The following TTC7B variants were observed in gnomAD, a reference collection of about 807,000 sequenced individuals.
The protein encoded by TTC7B is tetratricopeptide repeat protein 7B.
TTC7B carries 28 observed loss-of-function variants against 106.8 expected under a neutral mutation model. The ratio of observed to expected loss-of-function variants is 0.26; its 90% CI spans 0.19 to 0.36. TTC7B has a LOEUF of 0.36. TTC7B is among the 10% of genes least tolerant of loss of function. The pLI is 1.00. For missense variants in TTC7B, 862 were observed against 1,076.4 expected (o/e 0.80, Z 2.79); for synonymous variants, 405 against 430.6 (o/e 0.94, Z 0.74).
intron 3 of TTC7B, among the ~76,000 whole-genome samples, chr14:90,762,559 C>T (rs1291694604): frequency 6.6e-6 from 1 of 152,154 alleles, no homozygotes; most frequent in East Asian, 1.9e-4. Flanking sequence ...TGGCAGTTTC[C>T]TGGCAGAAAA....
chr14:90,683,026 T>A (rs1266078657), intron 7 of TTC7B, among the ~76,000 whole-genome samples: 1 of 152,218 alleles, frequency 6.6e-6, no homozygotes. Flanking sequence ...AGCTTTTTCT[T>A]AAAAATTTCC....
intron 1 of TTC7B, among the ~76,000 whole-genome samples, chr14:90,788,759 T>C (rs1001898917): frequency 3.2e-5 from 4 of 125,828 alleles, no homozygotes; most frequent in Non-Finnish European, 3.6e-5. Context: ...GGTCAAGAGA[T>C]TGAGATCAAC....
chr14:90,638,652 C>A (rs144533395), intron 15 of TTC7B, among the ~76,000 whole-genome samples: 1,974 of 152,330 alleles, frequency 0.013, 22 homozygotes, highest in Non-Finnish European at 0.019. Context: ...CATAAATATA[C>A]AATTCTCCCC....
chr14:90,571,118 C>T (rs947980025), intron 19 of TTC7B, among the ~76,000 whole-genome samples: 1 of 152,190 alleles, frequency 6.6e-6, no homozygotes, highest in Admixed American at 6.5e-5. Context: ...ACAAGAAAGT[C>T]CCCTCTCACT....
chr14:90,646,540 C>T (rs926373515), intron 14 of TTC7B, among the ~76,000 whole-genome samples: 1 of 152,196 alleles, frequency 6.6e-6, no homozygotes, highest in Non-Finnish European at 1.5e-5. Context: ...ATCAATGACA[C>T]CCTTATGACA....
intron 6 of TTC7B, among the ~76,000 whole-genome samples, chr14:90,691,185 GA>G (rs908401494): frequency 1.3e-5 from 2 of 151,730 alleles, no homozygotes; most frequent in African/African-American, 2.4e-5. Context: ...GTGTTAAAAG[GA>G]AAAAAAATGA....
intron 1 of TTC7B, among the ~76,000 whole-genome samples, chr14:90,791,438 T>A (rs933495581): frequency 6.6e-6 from 1 of 152,192 alleles, no homozygotes; most frequent in Non-Finnish European, 1.5e-5. Flanking sequence ...GGGCGGTCAT[T>A]GCCTGTGGCA....
intron 17 of TTC7B, among the ~76,000 whole-genome samples, chr14:90,604,077 T>C (rs1280266425): frequency 6.6e-6 from 1 of 152,208 alleles, no homozygotes; most frequent in African/African-American, 2.4e-5. Flanking sequence ...GAGTCAGGAC[T>C]GCAATCTTCA....
intron 19 of TTC7B, among the ~76,000 whole-genome samples, chr14:90,543,058 C>A (rs546992722): frequency 1.3e-5 from 2 of 152,294 alleles, no homozygotes; most frequent in Admixed American, 1.3e-4. Context: ...ATCTATATTT[C>A]TTTAATAACC....
At chr14:90,541,651 T>C in intron 19 of TTC7B, 62 bp from the exon 20 acceptor site, 1 of 1,349,930 alleles carries the variant, frequency 7.4e-7, no homozygotes, top group Non-Finnish European at 9.9e-7. Flanking sequence ...CTCTGCATCC[T>C]ACTTGTCCTC....
chr14:90,580,675 C>A (rs1891452245), intron 18 of TTC7B, among the ~76,000 whole-genome samples: 1 of 152,198 alleles, frequency 6.6e-6, no homozygotes, highest in Admixed American at 6.5e-5. Flanking sequence ...ATGGCCTGTG[C>A]CTGTAAAGCC....
intron 19 of TTC7B, among the ~76,000 whole-genome samples, chr14:90,547,425 T>C (rs1889884785): frequency 6.6e-6 from 1 of 152,242 alleles, no homozygotes; most frequent in Admixed American, 6.5e-5. Context: ...CAAGGTTTCC[T>C]GCTGCAGCCT....
chr14:90,564,639 G>A (rs1322597737), intron 19 of TTC7B, among the ~76,000 whole-genome samples: 1 of 152,314 alleles, frequency 6.6e-6, no homozygotes, highest in South Asian at 2.1e-4. Context: ...TGGGCACAGT[G>A]GTTCAGGCCT....
chr14:90,683,472 C>A (rs933803614), intron 7 of TTC7B, among the ~76,000 whole-genome samples: 7 of 152,032 alleles, frequency 4.6e-5, no homozygotes, highest in African/African-American at 1.7e-4. Context: ...TACTGTCGAT[C>A]CCAGGTTTAT....
Position 90,577,073 on chromosome 14 carries a change from A to G in TTC7B, c.2310+1033T>C, listed in dbSNP as rs1891287171. On this transcript the variant is annotated intron_variant, in intron 19 of 19. Coordinates refer to ENST00000328459, the MANE Select transcript of TTC7B (RefSeq NM_001010854.2). The surrounding 1 kb of genome is among the most constrained non-coding windows in gnomAD (Gnocchi z 5.0). ...TGCTCACTCTTCCATATCACACACCACCATCTGGTTATGGGTGCTAAGCCT... is the reference window on the plus strand; with the variant it reads ...TGCTCACTCTTCCATATCACACACCGCCATCTGGTTATGGGTGCTAAGCCT... 6.6e-6 allele frequency among the ~76,000 whole-genome samples: 1 copy of G among 152,034 alleles called. No individual in the cohort carries two copies. Among genetic ancestry groups the G allele is most frequent in the Admixed American group, 6.5e-5 (1 of 15,268 alleles).
At chr14:90,644,340 T>C (rs1885341062) in intron 14 of TTC7B, 132 bp from the exon 15 acceptor site, 9 of 965,666 alleles carry the variant, frequency 9.3e-6, no homozygotes, top group East Asian at 5.7e-5. Flanking sequence ...TTGTTTCACA[T>C]TGTGCCTCAT....
intron 19 of TTC7B, among the ~76,000 whole-genome samples, chr14:90,557,900 C>T (rs1890391087): frequency 6.6e-6 from 1 of 152,246 alleles, no homozygotes; most frequent in African/African-American, 2.4e-5. Flanking sequence ...CTCAAAAATA[C>T]CAATGGTGCA....
At chr14:90,658,061 C>A (rs1886023071) in intron 10 of TTC7B, 1 of 518,994 alleles carries the variant, frequency 1.9e-6, no homozygotes, top group Non-Finnish European at 3.5e-6. Context: ...TCCATGACAC[C>A]TGATGAAGTC....
chr14:90,806,670 G>A (rs2030628373), intron 1 of TTC7B, among the ~76,000 whole-genome samples: 1 of 152,224 alleles, frequency 6.6e-6, no homozygotes, highest in Admixed American at 6.5e-5. Flanking sequence ...ACTTTGGGAG[G>A]CCAAAGTGGG....
Sources: allele counts gnomAD v4.1 joint callset (sites outside exome capture counted in the v4.1 genomes callset), GRCh38; gene constraint gnomAD v4.1.1; non-coding constraint Gnocchi (gnomAD v3.1); transcripts MANE v1.5; gene names NCBI Gene and HGNC (gene_info 2026-07-23, HGNC 2026-07-21).